Variants in MLIP observed in about 807,000 individuals in gnomAD.
MLIP encodes the protein muscular LMNA-interacting protein.
Under a neutral mutation model 84.8 loss-of-function variants are expected in MLIP, and 79 were observed. That is an observed-to-expected ratio of 0.93 (90% CI 0.78 to 1.12). The LOEUF (loss-of-function observed/expected upper bound fraction) is 1.12. MLIP is among the 50% of genes most tolerant of loss of function. The probability of loss-of-function intolerance (pLI) is 0.00; values close to 1 mark genes in which losing one functional copy is unlikely to be tolerated. For missense variants in MLIP, 1,257 were observed against 1,160.6 expected (o/e 1.08, Z -1.21); for synonymous variants, 504 against 463.0 (o/e 1.09, Z -1.14).
intron 10 of MLIP, among the ~76,000 whole-genome samples, chr6:54,190,772 G>A (rs1402930570): frequency 6.6e-6 from 1 of 151,510 alleles, no homozygotes; most frequent in Non-Finnish European, 1.5e-5. Flanking sequence ...ATAAGTTTCC[G>A]AGATATTACT....
intron 11 of MLIP, chr6:54,218,093 C>T: frequency 1.6e-6 from 1 of 627,380 alleles, no homozygotes; most frequent in African/African-American, 2.0e-5. Context: ...CATGGCCTTG[C>T]CTATTTCAGT....
At chr6:54,111,638 G>T (rs1769475903) in intron 1 of MLIP, 63 bp downstream of exon 1, 2 of 1,496,390 alleles carry the variant, frequency 1.3e-6, no homozygotes, top group African/African-American at 1.4e-5. Flanking sequence ...GGTGCTGGTG[G>T]TATTTGCTGC....
At chr6:54,244,884 T>A (rs897847994) in intron 12 of MLIP, among the ~76,000 whole-genome samples, 1 of 152,176 alleles carries the variant, frequency 6.6e-6, no homozygotes, top group African/African-American at 2.4e-5. Context: ...CATTGTAACA[T>A]TTTTAAATAA....
chr6:54,181,243 C>G (rs954378927), intron 9 of MLIP, among the ~76,000 whole-genome samples: 1 of 152,164 alleles, frequency 6.6e-6, no homozygotes, highest in African/African-American at 2.4e-5. Flanking sequence ...TTCTGCTCTT[C>G]CCTCCCCTTT....
chr6:54,175,180 G>C (rs1440217458), intron 9 of MLIP, among the ~76,000 whole-genome samples: 1 of 151,830 alleles, frequency 6.6e-6, no homozygotes, highest in African/African-American at 2.4e-5. Context: ...GTCAGATAAT[G>C]ACTCCTCCAG....
chr6:54,258,297 A>T (rs1267721690), intron 13 of MLIP, among the ~76,000 whole-genome samples: 1 of 152,074 alleles, frequency 6.6e-6, no homozygotes, highest in Non-Finnish European at 1.5e-5. Flanking sequence ...CATATTTTCC[A>T]CAATTTAGGG....
intron 1 of MLIP, among the ~76,000 whole-genome samples, chr6:54,096,750 C>T (rs1768243135): frequency 6.6e-6 from 1 of 152,180 alleles, no homozygotes; most frequent in Non-Finnish European, 1.5e-5. Context: ...TGAATTTTGT[C>T]TCTGCATCTA....
intron 11 of MLIP, among the ~76,000 whole-genome samples, chr6:54,204,620 A>T (rs1778915491): frequency 6.6e-6 from 1 of 152,222 alleles, no homozygotes; most frequent in Non-Finnish European, 1.5e-5. Flanking sequence ...TATTGAGTTA[A>T]TCTACCTGTA....
intron 3 of MLIP, among the ~76,000 whole-genome samples, chr6:54,136,354 T>C (rs1004568261): frequency 1.2e-4 from 18 of 152,216 alleles, no homozygotes; most frequent in African/African-American, 4.3e-4. Flanking sequence ...TTTTCCAAAG[T>C]GAAATTTGCA....
intron 5 of MLIP, among the ~76,000 whole-genome samples, chr6:54,159,849 CAG>C (rs1214060685): frequency 1.3e-5 from 2 of 151,970 alleles, no homozygotes; most frequent in South Asian, 2.1e-4. Context: ...ATTAGAGAGA[CAG>C]AGAGTCTGAA....
intron 11 of MLIP, among the ~76,000 whole-genome samples, chr6:54,221,523 TAAGC>T (rs1780219373): frequency 7.0e-6 from 1 of 142,512 alleles, no homozygotes; most frequent in Non-Finnish European, 1.6e-5. Flanking sequence ...AAAAGTTCCT[TAAGC>T]AAGACACATA....
intron 11 of MLIP, among the ~76,000 whole-genome samples, chr6:54,221,432 A>G (rs1582543876): frequency 6.6e-6 from 1 of 152,314 alleles, no homozygotes; most frequent in East Asian, 1.9e-4. Context: ...TTGAAAAGTG[A>G]CAGAGTATTC....
chr6:54,090,653 G>A (rs868838679), intron 1 of MLIP, among the ~76,000 whole-genome samples: 17 of 104,750 alleles, frequency 1.6e-4, no homozygotes, highest in Middle Eastern at 4.8e-3. Context: ...GTATCTGTGT[G>A]TGTGTGTATG....
At chr6:54,041,829 T>TA (rs1246473432) in intron 1 of MLIP, among the ~76,000 whole-genome samples, 2 of 152,170 alleles carry the variant, frequency 1.3e-5, no homozygotes, top group Non-Finnish European at 2.9e-5. Flanking sequence ...TTTTGGCTGG[T>TA]ACAATTCCTG....
intron 9 of MLIP, among the ~76,000 whole-genome samples, chr6:54,178,837 T>G (rs1208532020): frequency 6.6e-6 from 1 of 152,204 alleles, no homozygotes; most frequent in African/African-American, 2.4e-5. Context: ...GAATGATCCA[T>G]GTGCTAAGGA....
rs1207848340 is a variant in MLIP, at chr6:54,265,975, A to T, written c.*20A>T. 1 of 1,611,974 alleles carries T rather than the reference A, an allele frequency of 6.2e-7. No individual in the cohort carries two copies. ...CAATGAAGTTGGAGCAGAGGCTGAA[A>T]ACACAGGCTGCTGAAGTTTTTTGGA... is the stretch of plus-strand genomic sequence containing the variant. On this transcript the variant is annotated 3_prime_UTR_variant, in exon 14 of 14. Transcript: ENST00000502396.
intron 1 of MLIP, among the ~76,000 whole-genome samples, chr6:54,024,429 CATT>C (rs1469578124): frequency 1.3e-5 from 2 of 152,354 alleles, no homozygotes; most frequent in Middle Eastern, 3.4e-3. Flanking sequence ...TTCCTCATAT[CATT>C]ATCTGATGAC....
At position 54,145,794 on chromosome 6, in the gene MLIP, CAA is replaced by C. The variant is rs796451161; in HGVS notation, c.2218-3252_2218-3251del. Reference sequence around the variant, plus strand: ...CTGTCCCCCACCACCCCCTCCCCCACAAAAAAAAAAAGAAAAAGAAAGAGAAA... The same window carrying C: ...CTGTCCCCCACCACCCCCTCCCCCACAAAAAAAAAGAAAAAGAAAGAGAAA... On this transcript the variant is annotated intron_variant, in intron 4 of 13. Coordinates refer to ENST00000502396, the MANE Select transcript of MLIP (RefSeq NM_001281747.2). Among the ~76,000 whole-genome samples the C allele has an allele frequency of 2.1e-4, 27 of 126,784 alleles. No individual in the cohort carries two copies. In the South Asian group the frequency reaches 3.2e-3, roughly 15 times the overall value. The allele number at this position is 126,784 out of a possible 152,430, so 83.2% of individuals were successfully genotyped here.
chr6:54,249,648 T>C (rs9474774), intron 12 of MLIP, among the ~76,000 whole-genome samples: 18,546 of 151,430 alleles, frequency 0.12, 1,573 homozygotes, highest in African/African-American at 0.23. Flanking sequence ...TGCTAGGATA[T>C]GATGAGACCT....
Sources: gnomAD v4.1 joint callset for allele counts (sites outside exome capture counted in the v4.1 genomes callset) on GRCh38, gnomAD v4.1.1 for gene constraint, MANE v1.5 for transcripts, NCBI Gene and HGNC (gene_info 2026-07-23, HGNC 2026-07-21) for gene names.